A1CF: variants seen among roughly 807,000 people sequenced by gnomAD.
A1CF encodes APOBEC1 complementation factor.
A neutral mutation model predicts 68.9 loss-of-function variants in A1CF; 48 were observed. That is an observed-to-expected ratio of 0.70 (90% confidence interval 0.55 to 0.89). A1CF has a LOEUF of 0.89. A1CF is among the 40% of genes least tolerant of loss of function. The pLI is 0.00. For synonymous variants in A1CF, 272 were observed against 260.4 expected (o/e 1.04, Z -0.43); for missense variants, 653 against 718.9 (o/e 0.91, Z 1.05).
chr10:50,866,404 T>G (rs773927090), intron 1 of A1CF, among the ~76,000 whole-genome samples: 5 of 152,198 alleles, frequency 3.3e-5, no homozygotes, highest in African/African-American at 7.2e-5. Flanking sequence ...AGAGAGGGAT[T>G]GGAATGAATA....
chr10:50,820,470 C>T, intron 8 of A1CF, 82 bp downstream of exon 8: 3 of 1,196,194 alleles, frequency 2.5e-6, no homozygotes, highest in Non-Finnish European at 3.6e-6. Context: ...GTGAGACAGG[C>T]TTGCAGGACT....
chr10:50,867,389 A>G (rs1841043172), intron 1 of A1CF, among the ~76,000 whole-genome samples: 1 of 152,202 alleles, frequency 6.6e-6, no homozygotes, highest in Non-Finnish European at 1.5e-5. Context: ...ATTTTGCAGC[A>G]ACCTGGTTGG....
intron 3 of A1CF, among the ~76,000 whole-genome samples, chr10:50,850,239 G>T (rs1169197742): frequency 6.6e-6 from 1 of 152,166 alleles, no homozygotes; most frequent in East Asian, 1.9e-4. Flanking sequence ...ACCATTGAAA[G>T]TCTATTTCCA....
chr10:50,808,779 A>T (rs1172860492), intron 12 of A1CF, among the ~76,000 whole-genome samples: 1 of 152,130 alleles, frequency 6.6e-6, no homozygotes, highest in Non-Finnish European at 1.5e-5. Flanking sequence ...AAAACTTTTG[A>T]GAAAAAAAAC....
At position 50,802,407 on chromosome 10, in the gene A1CF, T is replaced by A. The variant is rs1837635455; in HGVS notation, c.*4322A>T. ...AATAAGTATATACAAAATCTTAAGT[T>A]ATCCTATTAACATTTTCTTTTTAAA... is the stretch of plus-strand genomic sequence containing the variant. On this transcript the variant is annotated 3_prime_UTR_variant, in exon 13 of 13. Coordinates refer to ENST00000373997, the MANE Select transcript of A1CF (RefSeq NM_014576.4). 1 of 152,232 alleles carries A rather than the reference T, an allele frequency of 6.6e-6. No individual in the cohort carries two copies. Among genetic ancestry groups the A allele is most frequent in the Admixed American group, 6.5e-5 (1 of 15,284 alleles). The allele number at this position is 152,232 out of a possible 1,614,324, so 9.4% of individuals were successfully genotyped here. A position where few individuals can be genotyped will look rare whatever the true frequency, so the allele number is the denominator to read the frequency against.
intron 11 of A1CF, among the ~76,000 whole-genome samples, chr10:50,810,670 TC>T (rs1838064091): frequency 6.6e-6 from 1 of 152,152 alleles, no homozygotes; most frequent in Admixed American, 6.5e-5. Context: ...GGCTACTACA[TC>T]CGGCTAATTT....
intron 1 of A1CF, among the ~76,000 whole-genome samples, chr10:50,879,726 C>T (rs1386263336): frequency 2.0e-5 from 3 of 152,170 alleles, no homozygotes; most frequent in African/African-American, 7.2e-5. Context: ...TATCACTTCT[C>T]ACCAGATTCT....
At chr10:50,818,973 T>C (rs958264523) in intron 8 of A1CF, among the ~76,000 whole-genome samples, 3 of 152,124 alleles carry the variant, frequency 2.0e-5, no homozygotes, top group Admixed American at 6.5e-5. Context: ...GCCTTCTAGA[T>C]TGTGATTGCA....
At chr10:50,837,308 G>A (rs1254369875) in intron 5 of A1CF, among the ~76,000 whole-genome samples, 1 of 152,170 alleles carries the variant, frequency 6.6e-6, no homozygotes, top group Non-Finnish European at 1.5e-5. Flanking sequence ...ACTGTACAGA[G>A]TTGCTTCTTA....
chr10:50,836,006 CT>C (rs1640987644), intron 6 of A1CF, 67 bp downstream of exon 6: 1 of 1,406,798 alleles, frequency 7.1e-7, no homozygotes, highest in South Asian at 1.4e-5. Flanking sequence ...ATTAAAAATG[CT>C]TATTTTCTTT....
intron 6 of A1CF, among the ~76,000 whole-genome samples, chr10:50,832,583 G>T (rs1839300394): frequency 6.6e-6 from 1 of 152,194 alleles, no homozygotes; most frequent in Admixed American, 6.5e-5. Flanking sequence ...GGCCTCTGGT[G>T]AAAGTGAGTG....
intron 8 of A1CF, among the ~76,000 whole-genome samples, chr10:50,818,271 A>G (rs891033289): frequency 1.3e-5 from 2 of 152,182 alleles, no homozygotes; most frequent in African/African-American, 2.4e-5. Context: ...TGTAAATGTG[A>G]TAATTATCGT....
chr10:50,877,839 A>T (rs1374550247), intron 1 of A1CF, among the ~76,000 whole-genome samples: 1 of 152,170 alleles, frequency 6.6e-6, no homozygotes. Flanking sequence ...AAACTGAAAG[A>T]GGGCCGGGCG....
At chr10:50,818,034 A>G (rs1838454824) in intron 8 of A1CF, among the ~76,000 whole-genome samples, 1 of 152,266 alleles carries the variant, frequency 6.6e-6, no homozygotes, top group South Asian at 2.1e-4. Context: ...GAAGCTTATA[A>G]TGACTTGTCC....
At chr10:50,848,686 C>A (rs1009818960) in intron 3 of A1CF, among the ~76,000 whole-genome samples, 1 of 152,032 alleles carries the variant, frequency 6.6e-6, no homozygotes, top group Non-Finnish European at 1.5e-5. Context: ...CTTTTTCTCC[C>A]CTCTCTCTAA....
intron 9 of A1CF, among the ~76,000 whole-genome samples, chr10:50,815,134 G>A (rs191773676): frequency 4.6e-5 from 7 of 152,224 alleles, no homozygotes; most frequent in South Asian, 2.1e-4. Flanking sequence ...ACAGTTTATC[G>A]AATTGCCCAG....
At chr10:50,883,641 C>A (rs1460218076) in intron 1 of A1CF, among the ~76,000 whole-genome samples, 1 of 152,076 alleles carries the variant, frequency 6.6e-6, no homozygotes, top group Non-Finnish European at 1.5e-5. Context: ...TGAGAAATGC[C>A]AATTTTGAGA....
At chr10:50,825,542 C>T (rs771882930) in intron 7 of A1CF, among the ~76,000 whole-genome samples, 1 of 152,074 alleles carries the variant, frequency 6.6e-6, no homozygotes, top group East Asian at 1.9e-4. Flanking sequence ...GACCATGGAG[C>T]CCTTTTATCA....
At chr10:50,859,629 T>C (rs1487937975) in intron 3 of A1CF, among the ~76,000 whole-genome samples, 1 of 152,202 alleles carries the variant, frequency 6.6e-6, no homozygotes. Flanking sequence ...CTGTGACAAG[T>C]TAAGGTTGAA....
Sources: gnomAD v4.1 joint callset for allele counts (sites outside exome capture counted in the v4.1 genomes callset) on GRCh38, gnomAD v4.1.1 for gene constraint, MANE v1.5 for transcripts, NCBI Gene and HGNC (gene_info 2026-07-23, HGNC 2026-07-21) for gene names.